ANKRD30B: variants seen among roughly 807,000 people sequenced by gnomAD.
ANKRD30B encodes ankyrin repeat domain-containing protein 30B.
In ANKRD30B, 144 loss-of-function variants were observed where a neutral mutation model predicts 202.2. The observed-to-expected ratio is 0.71, with a 90% CI of 0.62 to 0.82. ANKRD30B has a LOEUF of 0.82. Among genes scored for constraint, ANKRD30B ranks in the 40% least tolerant of loss-of-function variants. The pLI, the probability that ANKRD30B is intolerant of heterozygous loss-of-function variation, is 0.00. For synonymous variants in ANKRD30B, 508 were observed against 561.3 expected (o/e 0.91, Z 1.34); for missense variants, 1,487 against 1,669.1 (o/e 0.89, Z 1.90).
chr18:14,875,351 G>T, the ANKRD30B span, among the ~76,000 whole-genome samples: 1 of 152,270 alleles, frequency 6.6e-6, no homozygotes, highest in Non-Finnish European at 1.5e-5. Context: ...AGTTCAGAGC[G>T]GTCCTGGAAG....
At chr18:14,866,866 C>T in the ANKRD30B span, among the ~76,000 whole-genome samples, 3,031 of 151,374 alleles carry the variant, frequency 0.02, 50 homozygotes, top group Admixed American at 0.03. Flanking sequence ...CTACCAGCGG[C>T]GGGTGGCAGG....
At chr18:14,847,009 T>A (rs1460663522) in intron 39 of ANKRD30B, among the ~76,000 whole-genome samples, 2 of 149,026 alleles carry the variant, frequency 1.3e-5, no homozygotes, top group Non-Finnish European at 3.0e-5. Context: ...GTTCTTTTAT[T>A]GCTTCCTTCA....
intron 34 of ANKRD30B, among the ~76,000 whole-genome samples, chr18:14,835,840 C>A (rs1971149492): frequency 6.6e-6 from 1 of 151,868 alleles, no homozygotes; most frequent in African/African-American, 2.4e-5. Context: ...GTAAGCATTT[C>A]TCTTGTACAA....
At chr18:14,867,210 G>C in the ANKRD30B span, among the ~76,000 whole-genome samples, 1 of 150,800 alleles carries the variant, frequency 6.6e-6, no homozygotes, top group Non-Finnish European at 1.5e-5. Flanking sequence ...GGACACTATC[G>C]AGTGTCCACC....
intron 7 of ANKRD30B, among the ~76,000 whole-genome samples, chr18:14,768,733 A>G (rs533916731): frequency 6.6e-6 from 1 of 152,292 alleles, no homozygotes; most frequent in South Asian, 2.1e-4. Flanking sequence ...AGATAAAGAG[A>G]GACTACTGTG....
rs759907517 is a variant in ANKRD30B, at chr18:14,810,078, A to G, written c.2416-30A>G. 78 of 1,473,656 alleles carry G rather than the reference A, an allele frequency of 5.3e-5. 2 individuals are homozygous for G. In the East Asian group the frequency reaches 6.4e-4, roughly 12 times the overall value. The allele number at this position is 1,473,656 out of a possible 1,614,324, so 91.3% of individuals were successfully genotyped here. A position where few individuals can be genotyped will look rare whatever the true frequency, so the allele number is the denominator to read the frequency against. ...ATATTTTATGAAGTATACATTATCT[A>G]TTAATTTTTGTGTTTCCAAACCCAT... is the stretch of plus-strand genomic sequence containing the variant. On this transcript the variant is annotated intron_variant, in intron 27 of 43. Transcript: ENST00000690538.
At position 14,750,678 on chromosome 18, in the gene ANKRD30B, T is replaced by G. The variant is rs184600555; in HGVS notation, c.222-1888T>G. On this transcript the variant is annotated intron_variant, in intron 1 of 43. Transcript: ENST00000690538. ...TATCAATGTATTAAAAAGAATCCAT[T>G]TAATGGCTTTTATAAATACATTTCA... is the stretch of plus-strand genomic sequence containing the variant. 2.3e-3 allele frequency among the ~76,000 whole-genome samples: 352 copies of G among 152,240 alleles called. 1 individual carries two copies. The highest frequency in any genetic ancestry group is 8.0e-3 in the African/African-American group (331 of 41,586).
intron 30 of ANKRD30B, among the ~76,000 whole-genome samples, chr18:14,817,742 T>C (rs1300573792): frequency 6.6e-6 from 1 of 152,226 alleles, no homozygotes; most frequent in Non-Finnish European, 1.5e-5. Context: ...TCATTATATA[T>C]GAAATTCTGA....
At chr18:14,877,255 A>G in the ANKRD30B span, among the ~76,000 whole-genome samples, 3 of 152,230 alleles carry the variant, frequency 2.0e-5, no homozygotes, top group Non-Finnish European at 4.4e-5. Flanking sequence ...TGGGGCAGGG[A>G]GTATTTGTGA....
In ANKRD30B at chr18:14,822,597, C is replaced by A. The variant is rs1306033048; in HGVS notation, c.2671-8C>A. 3.1e-5 allele frequency: 41 copies of A among 1,334,354 alleles called. No homozygotes were observed. The highest frequency in any genetic ancestry group is 4.2e-5 in the Non-Finnish European group (40 of 962,826). 82.7% of individuals were successfully genotyped at this position (1,334,354 alleles called of 1,614,324 possible). A position where few individuals can be genotyped will look rare whatever the true frequency, so the allele number is the denominator to read the frequency against. ...TATAGTAATTATTGTGTTTCCAAAC[C>A]CATTTAGCCTACCTGTGGAATGAAA... On this transcript the variant is annotated splice_polypyrimidine_tract_variant and splice_region_variant and intron_variant, in intron 31 of 43. Transcript: ENST00000690538.
the ANKRD30B span, among the ~76,000 whole-genome samples, chr18:14,925,106 A>G: frequency 6.6e-6 from 1 of 152,278 alleles, no homozygotes; most frequent in East Asian, 1.9e-4. Context: ...GTGGGACAGG[A>G]GTGGCTGTTT....
chr18:14,807,353 AC>A (rs1969587397), intron 24 of ANKRD30B, among the ~76,000 whole-genome samples: 1 of 150,978 alleles, frequency 6.6e-6, no homozygotes, highest in African/African-American at 2.4e-5. Context: ...TGGTTTAACA[AC>A]TCGCATGGTA....
intron 26 of ANKRD30B, 51 bp downstream of exon 26, chr18:14,808,795 T>A: frequency 7.1e-7 from 1 of 1,407,568 alleles, no homozygotes; most frequent in South Asian, 1.4e-5. Context: ...ATTAAACTAT[T>A]TGAAATGCCA....
chr18:14,783,569 A>G (rs1967886405), intron 12 of ANKRD30B, among the ~76,000 whole-genome samples: 1 of 152,158 alleles, frequency 6.6e-6, no homozygotes, highest in Non-Finnish European at 1.5e-5. Flanking sequence ...TGTAGGAACT[A>G]AAAAAATACT....
chr18:14,907,132 T>G, the ANKRD30B span, among the ~76,000 whole-genome samples: 2 of 152,012 alleles, frequency 1.3e-5, no homozygotes, highest in African/African-American at 2.4e-5. Context: ...AGACTTATGG[T>G]CTGTGTTGAT....
intron 7 of ANKRD30B, among the ~76,000 whole-genome samples, chr18:14,766,631 G>A (rs1421008336): frequency 6.6e-6 from 1 of 152,002 alleles, no homozygotes; most frequent in Non-Finnish European, 1.5e-5. Flanking sequence ...TAGGTAATTG[G>A]TTTATACGTA....
chr18:14,901,566 T>C, the ANKRD30B span, among the ~76,000 whole-genome samples: 1 of 152,002 alleles, frequency 6.6e-6, no homozygotes, highest in African/African-American at 2.4e-5. Context: ...TTTTTTTTTT[T>C]TCTTCCTTTC....
At chr18:14,800,097 T>C (rs1383818902) in intron 22 of ANKRD30B, among the ~76,000 whole-genome samples, 1 of 150,992 alleles carries the variant, frequency 6.6e-6, no homozygotes, top group Non-Finnish European at 1.5e-5. Flanking sequence ...CCGGTTGTGG[T>C]GGTGGGTGCC....
At chr18:14,783,610 T>C (rs1302131242) in intron 12 of ANKRD30B, among the ~76,000 whole-genome samples, 1 of 152,164 alleles carries the variant, frequency 6.6e-6, no homozygotes, top group African/African-American at 2.4e-5. Context: ...AGATTGCTTT[T>C]TAAAATAAAT....
Sources: allele counts gnomAD v4.1 joint callset (sites outside exome capture counted in the v4.1 genomes callset), GRCh38; gene constraint gnomAD v4.1.1; transcripts MANE v1.5; gene names NCBI Gene and HGNC (gene_info 2026-07-23, HGNC 2026-07-21).